USP42: variants seen among roughly 807,000 people sequenced by gnomAD.
The protein encoded by USP42 is ubiquitin carboxyl-terminal hydrolase 42.
In USP42, 23 loss-of-function variants were observed where a neutral mutation model predicts 113.0. The observed-to-expected ratio is 0.20, with a 90% CI of 0.15 to 0.29. USP42 has a LOEUF of 0.29. Among genes scored for constraint, USP42 ranks in the 10% least tolerant of loss-of-function variants. USP42 has a pLI of 1.00. For missense variants in USP42, 2,174 were observed against 1,779.8 expected (o/e 1.22, Z -3.99); for synonymous variants, 933 against 699.0 (o/e 1.33, Z -5.28).
rs1562834733 is a variant in USP42 at position 6,140,206 on chromosome 7, G to A, written c.724+11G>A. Reference sequence around the variant, plus strand: ...ACCTAAGATCTAGAGGTAAGCTTTTGCTTATAAGTTGATAAAATGATACAC... The same window carrying A: ...ACCTAAGATCTAGAGGTAAGCTTTTACTTATAAGTTGATAAAATGATACAC... On this transcript the variant is annotated intron_variant, in intron 6 of 17. Coordinates refer to ENST00000306177, the MANE Select transcript of USP42 (RefSeq NM_032172.3). 6.2e-7 allele frequency: 1 copy of A among 1,609,516 alleles called. No homozygotes were observed. Among genetic ancestry groups the A allele is most frequent in the Non-Finnish European group, 8.5e-7 (1 of 1,176,156 alleles).
At chr7:6,099,962 CAAA>C (rs78427438), upstream of USP42, among the ~76,000 whole-genome samples, 2 of 134,622 alleles carry the variant, frequency 1.5e-5, no homozygotes. Flanking sequence ...GACTCCCTCT[CAAA>C]AAAAAAAAAA....
chr7:6,124,759 T>G (rs553612216), intron 3 of USP42, among the ~76,000 whole-genome samples: 185 of 152,340 alleles, frequency 1.2e-3, no homozygotes, highest in African/African-American at 4.3e-3. Context: ...TAAAATCTTT[T>G]TCCTGCCTTC....
intron 8 of USP42, among the ~76,000 whole-genome samples, chr7:6,143,350 A>G (rs548603087): frequency 6.6e-6 from 1 of 152,154 alleles, no homozygotes; most frequent in South Asian, 2.1e-4. Context: ...ATTTTCATTG[A>G]CTTTCTTATG....
At chr7:6,102,540 C>T (rs1426313296), upstream of USP42, among the ~76,000 whole-genome samples, 3 of 150,390 alleles carry the variant, frequency 2.0e-5, no homozygotes, top group South Asian at 4.2e-4. Context: ...AGCAGAGGAT[C>T]CCTTGAGGCC....
intron 14 of USP42, chr7:6,153,072 A>G (rs575028374): frequency 1.0e-4 from 48 of 462,598 alleles, no homozygotes; most frequent in Non-Finnish European, 1.3e-4. Flanking sequence ...GGAGTTCGAG[A>G]CCAGCTTGGC....
At chr7:6,135,651 C>CAAAAAAAAAAAAAAAAAAAAAAAA (rs1173165919) in intron 3 of USP42, among the ~76,000 whole-genome samples, 190 bp from the exon 4 acceptor site, 3 of 16,158 alleles carry the variant, frequency 1.9e-4, no homozygotes, top group Non-Finnish European at 4.3e-4. Flanking sequence ...GACTCCATCT[C>CAAAAAAAAAAAAAAAAAAAAAAAA]AAAAAAAAAA....
At chr7:6,125,366 T>G (rs909474921) in intron 3 of USP42, among the ~76,000 whole-genome samples, 8 of 151,980 alleles carry the variant, frequency 5.3e-5, no homozygotes, top group Non-Finnish European at 1.2e-4. Flanking sequence ...GGCAGATGCC[T>G]GTAATCTCAG....
chr7:6,081,279 G>C, the USP42 span: 1 of 152,144 alleles, frequency 6.6e-6, no homozygotes, highest in African/African-American at 2.4e-5. Context: ...AGGTGAGCTG[G>C]ACACACGTTC....
At chr7:6,132,636 G>A (rs55951843) in intron 3 of USP42, among the ~76,000 whole-genome samples, 12,573 of 151,786 alleles carry the variant, frequency 0.083, 734 homozygotes, top group Non-Finnish European at 0.12. Context: ...TGGGATTACA[G>A]GCATGAGCCA....
chr7:6,138,386 T>C lies in USP42; in HGVS notation c.554-706T>C, dbSNP rs78520727. 5.0e-4 allele frequency among the ~76,000 whole-genome samples: 76 copies of C among 152,344 alleles called. No homozygotes were observed. The East Asian group carries it at 0.014, about 28-fold the overall frequency. On this transcript the variant is annotated intron_variant, in intron 4 of 17. Transcript: ENST00000306177. ...ATAGAATTAGATAGGTTGGGAGATT[T>C]ATATTTTGAATGGATTCTGTATTAT...
chr7:6,136,808 C>G (rs369782517), intron 4 of USP42, among the ~76,000 whole-genome samples: 1 of 141,990 alleles, frequency 7.0e-6, no homozygotes, highest in East Asian at 2.0e-4. Flanking sequence ...TTCGGTTCTT[C>G]TTTTTTTTTT....
chr7:6,118,553 C>A (rs79426931), intron 3 of USP42, among the ~76,000 whole-genome samples: 9,751 of 151,596 alleles, frequency 0.064, 485 homozygotes, highest in African/African-American at 0.13. Context: ...AAAAAAAAAA[C>A]TTTGCCTACC....
intron 1 of USP42, among the ~76,000 whole-genome samples, chr7:6,105,491 C>G (rs1451835642): frequency 2.5e-5 from 3 of 119,858 alleles, no homozygotes; most frequent in African/African-American, 9.0e-5. Context: ...CGCGTGGCTG[C>G]CACCTCCCGC....
intron 11 of USP42, among the ~76,000 whole-genome samples, chr7:6,147,507 A>C (rs1781782321): frequency 6.6e-6 from 1 of 152,256 alleles, no homozygotes; most frequent in African/African-American, 2.4e-5. Flanking sequence ...CATCTTCAGA[A>C]AACACAGTTT....
intron 1 of USP42, among the ~76,000 whole-genome samples, chr7:6,106,363 C>G (rs910213980): frequency 2.0e-5 from 3 of 152,152 alleles, no homozygotes; most frequent in Admixed American, 2.0e-4. Context: ...ATATTATTAC[C>G]TCAATGTATG....
the USP42 span, chr7:6,084,630 C>T: frequency 6.6e-6 from 1 of 151,450 alleles, no homozygotes; most frequent in African/African-American, 2.5e-5. Flanking sequence ...AGGCCTACAC[C>T]ATTCGCCATC....
chr7:6,084,082 A>G, the USP42 span, among the ~76,000 whole-genome samples: 86 of 151,430 alleles, frequency 5.7e-4, 7 homozygotes, highest in African/African-American at 2.0e-3. Context: ...GCTGGAGTGC[A>G]GTGGCTCAAT....
intron 15 of USP42, 68 bp downstream of exon 15, chr7:6,155,263 CACTCG>C: frequency 6.9e-7 from 1 of 1,451,124 alleles, no homozygotes; most frequent in Non-Finnish European, 9.0e-7. Context: ...TGTCCCTTCT[CACTCG>C]ACTCAGGAAC....
chr7:6,103,863 G>A (rs950797117), upstream of USP42, among the ~76,000 whole-genome samples: 2 of 151,050 alleles, frequency 1.3e-5, no homozygotes, highest in South Asian at 4.1e-4. Flanking sequence ...AGACCTGCCC[G>A]GGCAACAGTA....
Sources: gnomAD v4.1 joint callset for allele counts (sites outside exome capture counted in the v4.1 genomes callset) on GRCh38, gnomAD v4.1.1 for gene constraint, MANE v1.5 for transcripts, NCBI Gene and HGNC (gene_info 2026-07-23, HGNC 2026-07-21) for gene names.